Variants in DCC observed in about 807,000 individuals in gnomAD.
DCC encodes the protein DCC netrin 1 receptor.
DCC carries 58 observed loss-of-function variants against 172.5 expected under a neutral mutation model. The ratio of observed to expected loss-of-function variants is 0.34; its 90% CI spans 0.27 to 0.42. The LOEUF (loss-of-function observed/expected upper bound fraction) is 0.42. Ranked by LOEUF, DCC falls within the 10% of genes least tolerant of loss-of-function variation. The pLI is 1.00. For missense variants in DCC, 1,740 were observed against 1,791.0 expected, an observed-to-expected ratio of 0.97 and a Z score of 0.51; for synonymous variants, 709 against 644.5, an observed-to-expected ratio of 1.10 and a Z score of -1.52.
intron 1 of DCC, among the ~76,000 whole-genome samples, chr18:52,389,154 T>C (rs1477334275): frequency 6.6e-6 from 1 of 152,032 alleles, no homozygotes; most frequent in African/African-American, 2.4e-5. Context: ...TGTCGATGAG[T>C]TCATTTTTGC....
intron 24 of DCC, among the ~76,000 whole-genome samples, chr18:53,467,566 T>C (rs1192912012): frequency 6.6e-6 from 1 of 152,202 alleles, no homozygotes; most frequent in Non-Finnish European, 1.5e-5. Flanking sequence ...GTGTTACCTT[T>C]TATAGCAGGT....
intron 12 of DCC, among the ~76,000 whole-genome samples, chr18:53,282,181 C>A (rs2056880489): frequency 6.6e-6 from 1 of 151,984 alleles, no homozygotes; most frequent in African/African-American, 2.4e-5. Flanking sequence ...TTTTTGCTTT[C>A]TTTATTTTTT....
At chr18:52,403,703 T>C in intron 1 of DCC, among the ~76,000 whole-genome samples, 1 of 151,930 alleles carries the variant, frequency 6.6e-6, no homozygotes, top group East Asian at 1.9e-4. Flanking sequence ...CTTAGTGCCT[T>C]TGTGTGTGTA....
rs144057077 is a variant in DCC at position 52,417,991 on chromosome 18, C to T, written c.91+77113C>T. On this transcript the variant is annotated intron_variant, in intron 1 of 28. Transcript: ENST00000442544. ...TCCGCATCATCTGTCATTAATTCTT[C>T]GCTTTCAAATTTTATAGGACCCCGG... Among the ~76,000 whole-genome samples, 179 of 152,276 alleles carry T rather than the reference C, an allele frequency of 1.2e-3. 1 individual carries two copies. The highest frequency in any genetic ancestry group is 4.1e-3 in the African/African-American group (171 of 41,582).
At chr18:53,208,485 A>C (rs1180440586) in intron 11 of DCC, among the ~76,000 whole-genome samples, 1 of 140,500 alleles carries the variant, frequency 7.1e-6, no homozygotes, top group African/African-American at 2.5e-5. Flanking sequence ...AAAAGTGTGC[A>C]GATGATTAAA....
At chr18:52,819,492 A>G (rs1325466266) in intron 2 of DCC, among the ~76,000 whole-genome samples, 1 of 152,208 alleles carries the variant, frequency 6.6e-6, no homozygotes, top group Non-Finnish European at 1.5e-5. Context: ...TGATGTCTGC[A>G]AAGAACATAA....
chr18:53,329,097 C>T (rs11082979), intron 14 of DCC, among the ~76,000 whole-genome samples: 155 of 151,876 alleles, frequency 1.0e-3, no homozygotes, highest in East Asian at 1.7e-3. Flanking sequence ...TTGAAGAGGG[C>T]GTTTTGTGGA....
In DCC at chr18:52,980,638, G is replaced by A. The variant is rs115974057; in HGVS notation, c.985+55268G>A. 6.2e-3 allele frequency among the ~76,000 whole-genome samples: 936 copies of A among 151,798 alleles called. 6 individuals are homozygous for A. The highest frequency in any genetic ancestry group is 0.022 in the African/African-American group (899 of 41,432). ...TTTTTAAAATTGTGACATTTTCATA[G>A]CAAAAAATTTTATAACATAAAATAA... On this transcript the variant is annotated intron_variant, in intron 5 of 28. Coordinates refer to ENST00000442544, the MANE Select transcript of DCC (RefSeq NM_005215.4).
Position 52,544,554 on chromosome 18 carries a change from G to A in DCC, c.91+203676G>A, listed in dbSNP as rs368572030. 2.0e-3 allele frequency among the ~76,000 whole-genome samples: 298 copies of A among 151,844 alleles called. 2 individuals carry two copies. Among genetic ancestry groups the A allele is most frequent in the African/African-American group, 7.0e-3 (290 of 41,350 alleles). On this transcript the variant is annotated intron_variant, in intron 1 of 28. Transcript: ENST00000442544. ...CAGGTTACATTTTATATCAAGAACAGTTGACTCAGTGTGCTGGGGCTGTAG... is the reference window on the plus strand; with the variant it reads ...CAGGTTACATTTTATATCAAGAACAATTGACTCAGTGTGCTGGGGCTGTAG...
chr18:52,816,288 A>C (rs1303975117), intron 2 of DCC, among the ~76,000 whole-genome samples: 2 of 152,222 alleles, frequency 1.3e-5, no homozygotes, highest in Non-Finnish European at 2.9e-5. Context: ...GAAAAGTTAT[A>C]CTGAACTGAA....
chr18:52,899,201 G>A (rs979823661), intron 2 of DCC, among the ~76,000 whole-genome samples: 1 of 152,086 alleles, frequency 6.6e-6, no homozygotes, highest in Non-Finnish European at 1.5e-5. Context: ...CCAGGCTGGA[G>A]TGCAGAAGTG....
intron 8 of DCC, among the ~76,000 whole-genome samples, chr18:53,176,299 A>C (rs1434582997): frequency 7.5e-6 from 1 of 132,556 alleles, no homozygotes; most frequent in Non-Finnish European, 1.6e-5. Flanking sequence ...CACCAAAAGC[A>C]ATGGCAACAA....
At chr18:52,538,823 C>T (rs1568218406) in intron 1 of DCC, among the ~76,000 whole-genome samples, 1 of 152,038 alleles carries the variant, frequency 6.6e-6, no homozygotes, top group Admixed American at 6.5e-5. Context: ...GTTATCTGTT[C>T]TCCTTTTGTA....
chr18:52,786,317 A>T (rs2037658844), intron 2 of DCC, among the ~76,000 whole-genome samples: 1 of 152,064 alleles, frequency 6.6e-6, no homozygotes. Context: ...AAGCTGCAGG[A>T]AATCACCATT....
intron 5 of DCC, among the ~76,000 whole-genome samples, chr18:52,929,790 A>T (rs530956285): frequency 1.3e-5 from 2 of 151,654 alleles, no homozygotes; most frequent in South Asian, 2.1e-4. Flanking sequence ...GCTAACATAC[A>T]CATAATCCAA....
intron 12 of DCC, among the ~76,000 whole-genome samples, chr18:53,302,263 A>G (rs186190775): frequency 6.6e-6 from 1 of 152,270 alleles, no homozygotes; most frequent in Admixed American, 6.5e-5. Flanking sequence ...TTCAGCCCAT[A>G]AATATGTATT....
chr18:53,156,941 G>C (rs2054747210), intron 7 of DCC, among the ~76,000 whole-genome samples: 2 of 152,134 alleles, frequency 1.3e-5, no homozygotes, highest in South Asian at 2.1e-4. Context: ...TCTATCATCA[G>C]TTAAAGTCAT....
chr18:53,110,194 G>A (rs2043309916), intron 7 of DCC, among the ~76,000 whole-genome samples: 1 of 151,654 alleles, frequency 6.6e-6, no homozygotes, highest in Non-Finnish European at 1.5e-5. Context: ...CTGGAATAAA[G>A]TGAGATGACT....
intron 5 of DCC, among the ~76,000 whole-genome samples, chr18:52,963,464 C>T (rs186742980): frequency 6.6e-6 from 1 of 152,186 alleles, no homozygotes; most frequent in Non-Finnish European, 1.5e-5. Context: ...CAAAGACCTG[C>T]AAATGGATGC....
Sources: allele counts gnomAD v4.1 joint callset (sites outside exome capture counted in the v4.1 genomes callset), GRCh38; gene constraint gnomAD v4.1.1; transcripts MANE v1.5; gene names NCBI Gene and HGNC (gene_info 2026-07-23, HGNC 2026-07-21).